The following CSNK1G1 variants were observed in gnomAD, a reference collection of about 807,000 sequenced individuals.
The protein encoded by CSNK1G1 is casein kinase 1 gamma 1, also known as casein kinase I isoform gamma-1.
CSNK1G1 carries 22 observed loss-of-function variants against 59.6 expected under a neutral mutation model. The observed-to-expected ratio is 0.37, with a 90% CI of 0.26 to 0.53. The LOEUF (loss-of-function observed/expected upper bound fraction) is 0.53. Ranked by LOEUF, CSNK1G1 falls within the 20% of genes least tolerant of loss-of-function variation. The probability of loss-of-function intolerance (pLI) is 0.89; values close to 1 mark genes in which losing one functional copy is unlikely to be tolerated. For synonymous variants in CSNK1G1, 179 were observed against 177.1 expected, an observed-to-expected ratio of 1.01 and a Z score of -0.08; for missense variants, 384 against 519.5, an observed-to-expected ratio of 0.74 and a Z score of 2.54.
At chr15:64,267,577 T>A (rs752456493) in intron 2 of CSNK1G1, among the ~76,000 whole-genome samples, 51 of 151,942 alleles carry the variant, frequency 3.4e-4, no homozygotes, top group Non-Finnish European at 5.4e-4. Flanking sequence ...ACATTACAAA[T>A]CATCAGGGAA....
At position 64,169,423 on chromosome 15, in the gene CSNK1G1, G is replaced by C. The variant is rs1463568595; in HGVS notation, c.*2508C>G. 1 of 152,072 alleles carries C rather than the reference G, an allele frequency of 6.6e-6. No individual in the cohort carries two copies. Among genetic ancestry groups the C allele is most frequent in the African/African-American group, 2.4e-5 (1 of 41,368 alleles). 9.4% of individuals were successfully genotyped at this position (152,072 alleles called of 1,614,324 possible). On this transcript the variant is annotated 3_prime_UTR_variant, in exon 12 of 12. Coordinates refer to ENST00000303052, the MANE Select transcript of CSNK1G1 (RefSeq NM_022048.5). Reference sequence around the variant, plus strand: ...AATTTTTGTATTTTTTGTAGAGACGGGGTTTCACCATGTTGGCCAGGCTGG... The same window carrying C: ...AATTTTTGTATTTTTTGTAGAGACGCGGTTTCACCATGTTGGCCAGGCTGG...
At chr15:64,269,619 G>A (rs557796448) in intron 2 of CSNK1G1, among the ~76,000 whole-genome samples, 60 of 143,008 alleles carry the variant, frequency 4.2e-4, no homozygotes, top group Non-Finnish European at 8.7e-4. Context: ...TCAGCCTCCC[G>A]AGTAGGTGGG....
At chr15:64,334,202 G>A (rs1019349144) in intron 1 of CSNK1G1, among the ~76,000 whole-genome samples, 1 of 152,174 alleles carries the variant, frequency 6.6e-6, no homozygotes, top group Non-Finnish European at 1.5e-5. Context: ...TATTTCAGTA[G>A]AGATGGTGTT....
intron 6 of CSNK1G1, among the ~76,000 whole-genome samples, chr15:64,209,258 A>G (rs2082221477): frequency 6.6e-6 from 1 of 152,200 alleles, no homozygotes; most frequent in Admixed American, 6.5e-5. Context: ...AAACTACAGA[A>G]GCAAGACTAA....
intron 2 of CSNK1G1, among the ~76,000 whole-genome samples, chr15:64,276,499 A>G (rs964889836): frequency 7.9e-5 from 12 of 152,158 alleles, no homozygotes; most frequent in Non-Finnish European, 1.5e-4. Flanking sequence ...TTCAGAACAG[A>G]CGGATCATTT....
At chr15:64,344,476 T>C (rs770615719) in intron 1 of CSNK1G1, among the ~76,000 whole-genome samples, 1 of 152,208 alleles carries the variant, frequency 6.6e-6, no homozygotes, top group Non-Finnish European at 1.5e-5. Flanking sequence ...TCATTAAATA[T>C]AGGCTATAAT....
At chr15:64,258,098 G>A (rs1892488058) in intron 3 of CSNK1G1, among the ~76,000 whole-genome samples, 1 of 152,148 alleles carries the variant, frequency 6.6e-6, no homozygotes, top group African/African-American at 2.4e-5. Context: ...CAGAACAAGT[G>A]TGGATGTGGT....
intron 4 of CSNK1G1, among the ~76,000 whole-genome samples, chr15:64,221,717 C>T (rs1390919877): frequency 6.6e-6 from 1 of 151,708 alleles, no homozygotes; most frequent in Non-Finnish European, 1.5e-5. Context: ...AGGGGGTTTA[C>T]ACAATGAGAT....
intron 2 of CSNK1G1, among the ~76,000 whole-genome samples, chr15:64,271,089 T>C (rs1893276119): frequency 6.6e-6 from 1 of 151,738 alleles, no homozygotes; most frequent in Non-Finnish European, 1.5e-5. Flanking sequence ...TTCAAGTGAT[T>C]CTCCTGACTC....
rs1381261730 is a variant in CSNK1G1, at chr15:64,165,977, T to G, written c.*5954A>C. The G allele has an allele frequency of 1.5e-6, 1 of 663,454 alleles. No homozygotes were observed. Among genetic ancestry groups the G allele is most frequent in the Non-Finnish European group, 2.7e-6 (1 of 371,064 alleles). 41.1% of individuals were successfully genotyped at this position (663,454 alleles called of 1,614,324 possible). A position where few individuals can be genotyped will look rare whatever the true frequency, so the allele number is the denominator to read the frequency against. ...CAAATATCTCTCCTGGAGGAACCATTTCAAATACACTTGAAATTGACATTC... is the reference window on the plus strand; with the variant it reads ...CAAATATCTCTCCTGGAGGAACCATGTCAAATACACTTGAAATTGACATTC... On this transcript the variant is annotated 3_prime_UTR_variant, in exon 12 of 12. Transcript: ENST00000303052.
At chr15:64,333,587 T>C (rs1306950013) in intron 1 of CSNK1G1, among the ~76,000 whole-genome samples, 1 of 152,014 alleles carries the variant, frequency 6.6e-6, no homozygotes, top group Non-Finnish European at 1.5e-5. Flanking sequence ...ACCTCACATC[T>C]CAGTATTAAT....
Position 64,343,104 on chromosome 15 carries a change from C to T in CSNK1G1, c.-225+12884G>A, listed in dbSNP as rs548368277. ...GCGCATGCCTGTAATCCCAGCTATT[C>T]GGGAGGCCAAGGCAGGAGAATCGCT... is the stretch of plus-strand genomic sequence containing the variant. On this transcript the variant is annotated intron_variant, in intron 1 of 11. Transcript: ENST00000303052. 3.3e-5 allele frequency among the ~76,000 whole-genome samples: 5 copies of T among 152,022 alleles called. No individual in the cohort carries two copies. In the East Asian group the frequency reaches 7.7e-4, roughly 24 times the overall value.
At chr15:64,204,647 G>A in intron 8 of CSNK1G1, 58 bp from the exon 9 acceptor site, 1 of 1,558,522 alleles carries the variant, frequency 6.4e-7, no homozygotes, top group East Asian at 2.2e-5. Flanking sequence ...CATAGCAGTT[G>A]TGGGGAAGCA....
At chr15:64,213,864 C>G (rs780521663) in intron 6 of CSNK1G1, 26 bp downstream of exon 6, 17 of 1,479,846 alleles carry the variant, frequency 1.1e-5, no homozygotes, top group Non-Finnish European at 1.6e-5. Context: ...TGACTCGCCC[C>G]TTTCATGGAA....
chr15:64,240,824 A>G (rs1252005008), intron 4 of CSNK1G1, among the ~76,000 whole-genome samples: 3 of 152,186 alleles, frequency 2.0e-5, no homozygotes, highest in Non-Finnish European at 4.4e-5. Context: ...GATAATTACC[A>G]TCATAAAAAT....
intron 2 of CSNK1G1, among the ~76,000 whole-genome samples, chr15:64,287,832 A>G (rs1383681119): frequency 6.6e-6 from 1 of 152,218 alleles, no homozygotes; most frequent in African/African-American, 2.4e-5. Context: ...TATAACATAG[A>G]CATCTAGTTT....
intron 2 of CSNK1G1, among the ~76,000 whole-genome samples, chr15:64,288,749 G>A (rs765581898): frequency 6.6e-6 from 1 of 152,066 alleles, no homozygotes; most frequent in Non-Finnish European, 1.5e-5. Flanking sequence ...GGAAAAGTAG[G>A]CCATAAGTTC....
chr15:64,233,227 G>A (rs975380663), intron 4 of CSNK1G1, among the ~76,000 whole-genome samples: 2 of 152,202 alleles, frequency 1.3e-5, no homozygotes, highest in Non-Finnish European at 2.9e-5. Context: ...TGGGATGTAT[G>A]AAGGCCAAAC....
chr15:64,191,367 G>A (rs1596070181), intron 10 of CSNK1G1, among the ~76,000 whole-genome samples: 2 of 152,070 alleles, frequency 1.3e-5, no homozygotes, highest in South Asian at 4.1e-4. Context: ...GCCTGCATTT[G>A]TTTTTGAGGC....
Sources: allele counts gnomAD v4.1 joint callset (sites outside exome capture counted in the v4.1 genomes callset), GRCh38; gene constraint gnomAD v4.1.1; transcripts MANE v1.5; gene names NCBI Gene and HGNC (gene_info 2026-07-23, HGNC 2026-07-21).